Variants in PPHLN1 observed in about 807,000 individuals in gnomAD.
PPHLN1 encodes periphilin-1.
In PPHLN1, 29 loss-of-function variants were observed where a neutral mutation model predicts 51.3. The observed-to-expected ratio is 0.57, with a 90% CI of 0.42 to 0.77. The LOEUF is 0.77. Among genes scored for constraint, PPHLN1 ranks in the 30% least tolerant of loss-of-function variants. PPHLN1 has a pLI of 0.00. For missense variants in PPHLN1, 436 were observed against 438.4 expected (o/e 0.99, Z 0.05); for synonymous variants, 147 against 147.8 (o/e 0.99, Z 0.04).
intron 2 of PPHLN1, among the ~76,000 whole-genome samples, chr12:42,350,569 C>T (rs1360726883): frequency 4.6e-5 from 7 of 152,228 alleles, no homozygotes; most frequent in Admixed American, 1.3e-4. Flanking sequence ...GGGTGGTGGC[C>T]GGGCAGAGGC....
At chr12:42,358,961 AT>A (rs956378161) in intron 4 of PPHLN1, among the ~76,000 whole-genome samples, 10 of 152,146 alleles carry the variant, frequency 6.6e-5, no homozygotes, top group South Asian at 2.1e-4. Flanking sequence ...TGTGTGTTTA[AT>A]TTTTTTTAAT....
intron 9 of PPHLN1, chr12:42,433,246 C>T: frequency 1.4e-6 from 1 of 723,162 alleles, no homozygotes; most frequent in South Asian, 1.4e-5. Flanking sequence ...TCTACTTCAT[C>T]TCCTTCACTA....
At chr12:42,397,468 T>C (rs1173153842) in intron 8 of PPHLN1, among the ~76,000 whole-genome samples, 2 of 152,330 alleles carry the variant, frequency 1.3e-5, no homozygotes, top group South Asian at 2.1e-4. Flanking sequence ...TTTTTTCCCC[T>C]TTTTCACTTG....
intron 9 of PPHLN1, among the ~76,000 whole-genome samples, chr12:42,428,236 T>C (rs954625898): frequency 7.2e-5 from 11 of 152,222 alleles, no homozygotes; most frequent in South Asian, 2.1e-4. Flanking sequence ...AACTACCATT[T>C]GATCCAGCAA....
intron 9 of PPHLN1, among the ~76,000 whole-genome samples, chr12:42,414,025 T>TTTA (rs61116283): frequency 0.61 from 91,296 of 150,892 alleles, 27,802 homozygotes; most frequent in Admixed American, 0.67. Context: ...GGTGTTTTAT[T>TTTA]TTATTATTAT....
At chr12:42,427,440 G>GA (rs2081598426) in intron 9 of PPHLN1, among the ~76,000 whole-genome samples, 1 of 152,146 alleles carries the variant, frequency 6.6e-6, no homozygotes, top group African/African-American at 2.4e-5. Flanking sequence ...CAATGGAACA[G>GA]AATAGAGAAC....
intron 9 of PPHLN1, among the ~76,000 whole-genome samples, chr12:42,440,598 C>T (rs2082858533): frequency 6.6e-6 from 1 of 152,226 alleles, no homozygotes; most frequent in Non-Finnish European, 1.5e-5. Flanking sequence ...AAACAGGTTT[C>T]ACTGGACCCA....
intron 2 of PPHLN1, among the ~76,000 whole-genome samples, chr12:42,337,103 C>A (rs984528214): frequency 6.6e-6 from 1 of 152,228 alleles, no homozygotes; most frequent in South Asian, 2.1e-4. Context: ...TGTTTTCAAT[C>A]AAAATCCCAA....
downstream of PPHLN1, chr12:42,446,158 A>G: frequency 6.2e-7 from 1 of 1,603,164 alleles, no homozygotes; most frequent in Non-Finnish European, 8.5e-7. Context: ...CAGGAGCCCC[A>G]GACATTACCT....
chr12:42,434,151 A>C (rs1356957553), intron 9 of PPHLN1, among the ~76,000 whole-genome samples: 1 of 152,170 alleles, frequency 6.6e-6, no homozygotes, highest in Non-Finnish European at 1.5e-5. Context: ...GTGGAGCTGG[A>C]GACCATTTTC....
At chr12:42,433,089 A>G (rs1247797491) in intron 9 of PPHLN1, 4 of 793,600 alleles carry the variant, frequency 5.0e-6, no homozygotes, top group Admixed American at 3.4e-5. Context: ...ATTTTTATTG[A>G]CAGGCCAAAG....
At chr12:42,327,106 T>G (rs1019078124) in intron 1 of PPHLN1, among the ~76,000 whole-genome samples, 10 of 152,212 alleles carry the variant, frequency 6.6e-5, no homozygotes, top group South Asian at 6.2e-4. Flanking sequence ...TCTGTTATCC[T>G]TGGTTACCGC....
chr12:42,422,139 A>G (rs2081062116), intron 9 of PPHLN1, among the ~76,000 whole-genome samples: 1 of 152,190 alleles, frequency 6.6e-6, no homozygotes, highest in Non-Finnish European at 1.5e-5. Context: ...AAAATACTAC[A>G]ATAATTTAGC....
chr12:42,432,240 A>C, intron 9 of PPHLN1: 1 of 781,698 alleles, frequency 1.3e-6, no homozygotes, highest in East Asian at 2.4e-5. Context: ...TTTGTACCAT[A>C]ACTGGAGGTG....
At chr12:42,344,707 G>GTTTT (rs1555182156) in intron 2 of PPHLN1, among the ~76,000 whole-genome samples, 1 of 123,970 alleles carries the variant, frequency 8.1e-6, no homozygotes, top group African/African-American at 2.8e-5. Context: ...CAACAGTGTG[G>GTTTT]ATTTTTTTTT....
chr12:42,441,618 T>G lies in PPHLN1; in HGVS notation c.*109T>G. ...ATTTTTGTGATGCAGAGAAATACTT[T>G]ATGATAGTTGACAACATTTCAGTAT... On this transcript the variant is annotated 3_prime_UTR_variant, in exon 10 of 10. Coordinates refer to ENST00000358314, the MANE Select transcript of PPHLN1 (RefSeq NM_201439.2). 7.4e-7 allele frequency: 1 copy of G among 1,343,962 alleles called. No homozygotes were observed. Among genetic ancestry groups the G allele is most frequent in the Non-Finnish European group, 9.6e-7 (1 of 1,037,582 alleles). 83.3% of individuals were successfully genotyped at this position (1,343,962 alleles called of 1,614,324 possible). A position where few individuals can be genotyped will look rare whatever the true frequency, so the allele number is the denominator to read the frequency against.
intron 4 of PPHLN1, among the ~76,000 whole-genome samples, chr12:42,360,683 C>T (rs184518078): frequency 4.2e-4 from 64 of 151,798 alleles, no homozygotes; most frequent in African/African-American, 1.5e-3. Context: ...TTAGTAGAGA[C>T]GAGGTTTCAT....
chr12:42,404,278 C>T (rs963088941), intron 9 of PPHLN1, among the ~76,000 whole-genome samples: 1 of 152,148 alleles, frequency 6.6e-6, no homozygotes, highest in Non-Finnish European at 1.5e-5. Flanking sequence ...CCTGTAATCC[C>T]AGCACTTTGG....
chr12:42,326,959 A>T (rs1056776070), intron 1 of PPHLN1, among the ~76,000 whole-genome samples: 1 of 152,220 alleles, frequency 6.6e-6, no homozygotes, highest in South Asian at 2.1e-4. Flanking sequence ...GATGTCTTCT[A>T]TAGAGACGGA....
Sources: gnomAD v4.1 joint callset for allele counts (sites outside exome capture counted in the v4.1 genomes callset) on GRCh38, gnomAD v4.1.1 for gene constraint, MANE v1.5 for transcripts, NCBI Gene and HGNC (gene_info 2026-07-23, HGNC 2026-07-21) for gene names.